RMC1: variants seen among roughly 807,000 people sequenced by gnomAD.
RMC1 encodes the protein regulator of MON1-CCZ1 complex.
Under a neutral mutation model 95.5 loss-of-function variants are expected in RMC1, and 44 were observed. The ratio of observed to expected loss-of-function variants is 0.46; its 90% confidence interval spans 0.36 to 0.59. The LOEUF (loss-of-function observed/expected upper bound fraction) is 0.59, where lower values mean the gene tolerates loss of function less well. Among genes scored for constraint, RMC1 ranks in the 20% least tolerant of loss-of-function variants. The probability of loss-of-function intolerance (pLI) is 0.00; values close to 1 mark genes in which losing one functional copy is unlikely to be tolerated. For missense variants in RMC1, 705 were observed against 819.6 expected (o/e 0.86, Z 1.71); for synonymous variants, 320 against 303.6 (o/e 1.05, Z -0.56).
intron 7 of RMC1, among the ~76,000 whole-genome samples, chr18:23,516,724 CTTCTTTT>C (rs2058016606): frequency 7.1e-6 from 1 of 140,428 alleles, no homozygotes; most frequent in Admixed American, 7.1e-5. Context: ...AGAATTTCTT[CTTCTTTT>C]TTTTTTTTTT....
At chr18:23,522,821 G>C (rs991575659) in intron 10 of RMC1, 1 of 152,324 alleles carries the variant, frequency 6.6e-6, no homozygotes, top group African/African-American at 2.4e-5. Flanking sequence ...TTTCCTGCTG[G>C]GCTGTGAGCC....
chr18:23,521,272 C>A (rs548142642), intron 10 of RMC1, among the ~76,000 whole-genome samples: 44 of 152,326 alleles, frequency 2.9e-4, no homozygotes, highest in Non-Finnish European at 5.3e-4. Context: ...AATAATTTAT[C>A]TTCCCTGAGC....
At chr18:23,512,283 A>C (rs1014758973) in intron 5 of RMC1, among the ~76,000 whole-genome samples, 2 of 152,086 alleles carry the variant, frequency 1.3e-5, no homozygotes, top group Admixed American at 1.3e-4. Flanking sequence ...GGCCCCCTAA[A>C]GTGCTGGGAT....
At chr18:23,521,977 C>T (rs2058154141) in intron 10 of RMC1, among the ~76,000 whole-genome samples, 1 of 152,114 alleles carries the variant, frequency 6.6e-6, no homozygotes, top group Non-Finnish European at 1.5e-5. Flanking sequence ...CATTTGGAAC[C>T]CTAGTAGTAA....
Position 23,519,177 on chromosome 18 carries a change from A to G in RMC1, c.849+3A>G, listed in dbSNP as rs2058083189. The stretch of plus-strand genomic sequence containing the variant: ...TCGTGCATCATCAGGATACAGAGGT[A>G]CAAGCTGTCTGCGTTTCTACCAAAG... On this transcript the variant is annotated splice_donor_region_variant and intron_variant, in intron 9 of 19. Transcript: ENST00000269221. 6.2e-7 allele frequency: 1 copy of G among 1,611,814 alleles called. No individual in the cohort carries two copies. The highest frequency in any genetic ancestry group is 8.5e-7 in the Non-Finnish European group (1 of 1,178,076).
intron 5 of RMC1, among the ~76,000 whole-genome samples, chr18:23,514,037 T>C (rs1299921004): frequency 6.6e-6 from 1 of 152,256 alleles, no homozygotes; most frequent in Non-Finnish European, 1.5e-5. Flanking sequence ...CTGTTCCAGC[T>C]TCCTGACCTA....
Sources: allele counts gnomAD v4.1 joint callset (sites outside exome capture counted in the v4.1 genomes callset), GRCh38; gene constraint gnomAD v4.1.1; transcripts MANE v1.5; gene names NCBI Gene and HGNC (gene_info 2026-07-23, HGNC 2026-07-21).